Variants in MEGF11 observed in about 807,000 individuals in gnomAD.
MEGF11 encodes multiple epidermal growth factor-like domains protein 11.
A neutral mutation model predicts 146.6 loss-of-function variants in MEGF11; 126 were observed. That is an observed-to-expected ratio of 0.86 (90% CI 0.74 to 1.00). The LOEUF (loss-of-function observed/expected upper bound fraction) is 1.00. MEGF11 is among the 50% of genes least tolerant of loss of function. The pLI, the probability that MEGF11 is intolerant of heterozygous loss-of-function variation, is 0.00. For synonymous variants in MEGF11, 532 were observed against 583.4 expected, an observed-to-expected ratio of 0.91 and a Z score of 1.27; for missense variants, 1,509 against 1,521.2, an observed-to-expected ratio of 0.99 and a Z score of 0.13.
At chr15:66,153,457 C>T (rs2089641465) in intron 1 of MEGF11, among the ~76,000 whole-genome samples, 1 of 152,122 alleles carries the variant, frequency 6.6e-6, no homozygotes, top group Non-Finnish European at 1.5e-5. Flanking sequence ...CCTATAGTCC[C>T]AGCTACTCGG....
intron 4 of MEGF11, among the ~76,000 whole-genome samples, chr15:66,103,118 G>A (rs1187982497): frequency 6.6e-6 from 1 of 152,252 alleles, no homozygotes; most frequent in Non-Finnish European, 1.5e-5. Flanking sequence ...TAGGAACTGA[G>A]TGGGACAGAT....
chr15:65,983,394 T>G (rs1018527311), intron 5 of MEGF11, among the ~76,000 whole-genome samples: 6 of 152,232 alleles, frequency 3.9e-5, no homozygotes, highest in African/African-American at 1.4e-4. Flanking sequence ...CCTCCCACTC[T>G]GACCCTCCCC....
Position 65,982,183 on chromosome 15 carries a change from C to T in MEGF11, c.641+59G>A. 6.7e-7 allele frequency: 1 copy of T among 1,491,380 alleles called. No homozygotes were observed. The highest frequency in any genetic ancestry group is 1.3e-5 in the South Asian group (1 of 79,322). The allele number at this position is 1,491,380 out of a possible 1,614,324, so 92.4% of individuals were successfully genotyped here. On this transcript the variant is annotated intron_variant, in intron 6 of 25. Coordinates refer to ENST00000395614, the MANE Select transcript of MEGF11 (RefSeq NM_001385028.1). This position sits in a 1 kb window ranked among gnomAD's most constrained non-coding sequence, Gnocchi z 5.6. Reference sequence around the variant, plus strand: ...ACCTCCTCTACCCTCCCCACCCAGGCACCCTCCAGGTCCCGCCCCTCCAGG... The same window carrying T: ...ACCTCCTCTACCCTCCCCACCCAGGTACCCTCCAGGTCCCGCCCCTCCAGG...
chr15:66,227,876 G>A (rs1445782502), intron 1 of MEGF11, among the ~76,000 whole-genome samples: 1 of 152,116 alleles, frequency 6.6e-6, no homozygotes, highest in African/African-American at 2.4e-5. Context: ...GACTAGCTGG[G>A]CCCAGCCAGC....
At chr15:66,180,120 A>C (rs2090507207) in intron 1 of MEGF11, among the ~76,000 whole-genome samples, 1 of 152,214 alleles carries the variant, frequency 6.6e-6, no homozygotes, top group Non-Finnish European at 1.5e-5. Context: ...TTACAACTCC[A>C]AATAGCCTGT....
chr15:66,007,185 G>A (rs959873496), intron 5 of MEGF11, among the ~76,000 whole-genome samples: 1 of 152,224 alleles, frequency 6.6e-6, no homozygotes, highest in African/African-American at 2.4e-5. Context: ...GGCTAGCCCT[G>A]GCTACTACCT....
chr15:65,980,129 T>C (rs2081581840), intron 7 of MEGF11, among the ~76,000 whole-genome samples: 1 of 152,232 alleles, frequency 6.6e-6, no homozygotes, highest in South Asian at 2.1e-4. Flanking sequence ...CCCAGCCTTT[T>C]CTGCCACCTC....
chr15:66,061,337 T>C (rs2084897676), intron 5 of MEGF11, among the ~76,000 whole-genome samples: 1 of 152,120 alleles, frequency 6.6e-6, no homozygotes, highest in South Asian at 2.1e-4. Flanking sequence ...GCCAGGGCAG[T>C]TTTCCCACCT....
intron 1 of MEGF11, among the ~76,000 whole-genome samples, chr15:66,178,281 T>C (rs2090446121): frequency 6.6e-6 from 1 of 152,218 alleles, no homozygotes; most frequent in Admixed American, 6.5e-5. Context: ...CCACTGCACC[T>C]GGCTCTTCAC....
chr15:66,045,297 G>A (rs1226098695), intron 5 of MEGF11, among the ~76,000 whole-genome samples: 1 of 152,184 alleles, frequency 6.6e-6, no homozygotes, highest in Admixed American at 6.5e-5. Context: ...GATGCCTAGA[G>A]CCCTGTGGCT....
intron 4 of MEGF11, among the ~76,000 whole-genome samples, chr15:66,099,412 T>C (rs2086693438): frequency 1.3e-5 from 2 of 152,132 alleles, no homozygotes; most frequent in South Asian, 4.1e-4. Context: ...CTCGAACTCC[T>C]GACCTCAAGC....
At chr15:66,234,259 C>G (rs1201328785) in intron 1 of MEGF11, among the ~76,000 whole-genome samples, 1 of 152,180 alleles carries the variant, frequency 6.6e-6, no homozygotes, top group African/African-American at 2.4e-5. Flanking sequence ...CACCATGAGG[C>G]GCTATTGCGA....
chr15:65,924,624 C>CTTTTTT (rs573572484), intron 13 of MEGF11, among the ~76,000 whole-genome samples: 5 of 111,616 alleles, frequency 4.5e-5, no homozygotes, highest in African/African-American at 1.0e-4. Context: ...TGCCATAAGG[C>CTTTTTT]TTTTTTTTTT....
chr15:66,045,689 C>G (rs942395611), intron 5 of MEGF11, among the ~76,000 whole-genome samples: 2 of 152,202 alleles, frequency 1.3e-5, no homozygotes, highest in African/African-American at 4.8e-5. Flanking sequence ...CAGTCTCTAA[C>G]AACTGCAGTG....
chr15:66,151,562 C>T (rs1288951073), intron 1 of MEGF11, among the ~76,000 whole-genome samples: 7 of 152,178 alleles, frequency 4.6e-5, no homozygotes, highest in Non-Finnish European at 1.0e-4. Context: ...GGCTGATATC[C>T]CTAGATTCTG....
At chr15:66,166,350 C>G (rs933708755) in intron 1 of MEGF11, among the ~76,000 whole-genome samples, 1 of 152,080 alleles carries the variant, frequency 6.6e-6, no homozygotes, top group East Asian at 1.9e-4. Flanking sequence ...GTCCAGAATC[C>G]CATCACTGCT....
At chr15:65,933,050 G>A (rs1307057279) in intron 10 of MEGF11, among the ~76,000 whole-genome samples, 1 of 152,156 alleles carries the variant, frequency 6.6e-6, no homozygotes, top group African/African-American at 2.4e-5. Context: ...GGGCCACAGA[G>A]AGAACCGAGG....
intron 4 of MEGF11, among the ~76,000 whole-genome samples, chr15:66,107,866 A>T (rs574022265): frequency 6.6e-6 from 1 of 152,282 alleles, no homozygotes; most frequent in African/African-American, 2.4e-5. Context: ...GGGGTCCCAC[A>T]TTCTGGGCCC....
chr15:65,986,792 C>CT (rs1491353062), intron 5 of MEGF11, among the ~76,000 whole-genome samples: 1 of 134,002 alleles, frequency 7.5e-6, no homozygotes, highest in Admixed American at 7.5e-5. Flanking sequence ...GCTGATTTTT[C>CT]CTTTTTTTTT....
Sources: allele counts gnomAD v4.1 joint callset (sites outside exome capture counted in the v4.1 genomes callset), GRCh38; gene constraint gnomAD v4.1.1; non-coding constraint Gnocchi (gnomAD v3.1); transcripts MANE v1.5; gene names NCBI Gene and HGNC (gene_info 2026-07-23, HGNC 2026-07-21).